Variants in MSRB3 observed in about 807,000 individuals in gnomAD.
MSRB3 encodes methionine-R-sulfoxide reductase B3.
In MSRB3, 13 loss-of-function variants were observed where a neutral mutation model predicts 21.0. The ratio of observed to expected loss-of-function variants is 0.62; its 90% CI spans 0.40 to 0.98. The LOEUF is 0.98. Ranked by LOEUF, MSRB3 falls within the 50% of genes least tolerant of loss-of-function variation. The pLI is 0.00. For synonymous variants in MSRB3, 87 were observed against 88.6 expected, an observed-to-expected ratio of 0.98 and a Z score of 0.10; for missense variants, 199 against 230.3, an observed-to-expected ratio of 0.86 and a Z score of 0.88.
chr12:65,322,951 T>C (rs1421345653), intron 2 of MSRB3, among the ~76,000 whole-genome samples: 1 of 152,140 alleles, frequency 6.6e-6, no homozygotes, highest in Non-Finnish European at 1.5e-5. Flanking sequence ...CCCACTTTAA[T>C]CATAAAAACA....
At chr12:65,295,529 A>C (rs748498018) in intron 1 of MSRB3, among the ~76,000 whole-genome samples, 1 of 151,674 alleles carries the variant, frequency 6.6e-6, no homozygotes, top group Non-Finnish European at 1.5e-5. Context: ...CATTTGGCTA[A>C]AGTACATTTT....
intron 5 of MSRB3, among the ~76,000 whole-genome samples, chr12:65,427,465 T>A (rs1451752078): frequency 6.6e-6 from 1 of 152,190 alleles, no homozygotes; most frequent in Non-Finnish European, 1.5e-5. Context: ...GCTAAGGGCC[T>A]CCTGATTTCT....
chr12:65,321,588 TTC>T (rs1874667784), intron 2 of MSRB3, among the ~76,000 whole-genome samples: 1 of 152,312 alleles, frequency 6.6e-6, no homozygotes, highest in Non-Finnish European at 1.5e-5. Context: ...ATAGGAGCTT[TTC>T]TTCCTCCATG....
intron 4 of MSRB3, among the ~76,000 whole-genome samples, chr12:65,333,439 T>A (rs546646466): frequency 6.6e-6 from 1 of 152,278 alleles, no homozygotes; most frequent in South Asian, 2.1e-4. Flanking sequence ...GGAGGATGCC[T>A]AGTAGAGAAT....
chr12:65,419,812 C>T (rs543896060), intron 5 of MSRB3: 1 of 897,800 alleles, frequency 1.1e-6, no homozygotes, highest in Admixed American at 1.8e-5. Context: ...CCTGCCAGAC[C>T]CCTAGCCATC....
At chr12:65,445,827 G>T (rs193182609) in intron 5 of MSRB3, among the ~76,000 whole-genome samples, 3 of 151,772 alleles carry the variant, frequency 2.0e-5, no homozygotes, top group East Asian at 3.9e-4. Context: ...TGTATTTTTA[G>T]TAAAGATGGG....
intron 5 of MSRB3, among the ~76,000 whole-genome samples, chr12:65,386,189 T>C (rs1464929235): frequency 3.3e-5 from 5 of 152,010 alleles, no homozygotes; most frequent in African/African-American, 4.8e-5. Context: ...TTTTTAGACT[T>C]ATTTTTCATT....
chr12:65,439,881 A>G (rs1882291552), intron 5 of MSRB3, among the ~76,000 whole-genome samples: 1 of 151,754 alleles, frequency 6.6e-6, no homozygotes, highest in African/African-American at 2.4e-5. Flanking sequence ...TTAAAGAAAA[A>G]AACCTAGAGC....
At chr12:65,330,044 C>T (rs1162368552) in intron 4 of MSRB3, among the ~76,000 whole-genome samples, 1 of 152,184 alleles carries the variant, frequency 6.6e-6, no homozygotes, top group Non-Finnish European at 1.5e-5. Flanking sequence ...AAGATAGTTG[C>T]TGAGCCATGT....
chr12:65,441,567 G>A (rs1882382316), intron 5 of MSRB3, among the ~76,000 whole-genome samples: 1 of 151,982 alleles, frequency 6.6e-6, no homozygotes, highest in Admixed American at 6.6e-5. Flanking sequence ...TGTATTTGAG[G>A]AGTTTGGAAT....
At chr12:65,442,106 A>G (rs1882409699) in intron 5 of MSRB3, among the ~76,000 whole-genome samples, 1 of 152,062 alleles carries the variant, frequency 6.6e-6, no homozygotes, top group South Asian at 2.1e-4. Context: ...GTGAATGATC[A>G]TAGAAGATTT....
chr12:65,429,364 G>A (rs538198313), intron 5 of MSRB3, among the ~76,000 whole-genome samples: 1 of 152,182 alleles, frequency 6.6e-6, no homozygotes, highest in African/African-American at 2.4e-5. Flanking sequence ...AAAGAGCTTG[G>A]GGGAGTGTTC....
chr12:65,392,708 C>T (rs189815641), intron 5 of MSRB3, among the ~76,000 whole-genome samples: 1 of 152,252 alleles, frequency 6.6e-6, no homozygotes, highest in East Asian at 1.9e-4. Flanking sequence ...CAAGTAGTTG[C>T]GAGCGTGTAA....
At chr12:65,456,311 A>G (rs1346907449) in intron 6 of MSRB3, among the ~76,000 whole-genome samples, 1 of 152,232 alleles carries the variant, frequency 6.6e-6, no homozygotes, top group Non-Finnish European at 1.5e-5. Context: ...AATGAAGCAT[A>G]AGATATTAAC....
intron 4 of MSRB3, among the ~76,000 whole-genome samples, chr12:65,347,711 T>C (rs1876616344): frequency 6.6e-6 from 1 of 152,226 alleles, no homozygotes; most frequent in African/African-American, 2.4e-5. Flanking sequence ...AGTATGACAT[T>C]GCCTGTGGGT....
intron 1 of MSRB3, among the ~76,000 whole-genome samples, chr12:65,306,376 TC>T (rs1873655401): frequency 6.6e-6 from 1 of 152,220 alleles, no homozygotes. Context: ...GATGCATACA[TC>T]CATTCTTTAG....
rs180823234 is a variant in MSRB3, at chr12:65,410,308, A to G, written c.292+41282A>G. 3.9e-5 allele frequency among the ~76,000 whole-genome samples: 6 copies of G among 152,216 alleles called. No homozygotes were observed. In the East Asian group the frequency reaches 1.2e-3, roughly 29 times the overall value. On this transcript the variant is annotated intron_variant, in intron 5 of 6. Coordinates refer to ENST00000308259, the MANE Select transcript of MSRB3 (RefSeq NM_001031679.3). ...TTGTTTTCTGTTTGGCACCAGATCAATGCTTGTTGGCATTTTGTTAGGGAA... is the reference window on the plus strand; with the variant it reads ...TTGTTTTCTGTTTGGCACCAGATCAGTGCTTGTTGGCATTTTGTTAGGGAA...
At chr12:65,393,331 G>A (rs1879584470) in intron 5 of MSRB3, among the ~76,000 whole-genome samples, 2 of 151,850 alleles carry the variant, frequency 1.3e-5, no homozygotes, top group African/African-American at 4.8e-5. Flanking sequence ...TTATTATAAG[G>A]GAGACACTTT....
At chr12:65,295,884 G>A (rs936816439) in intron 1 of MSRB3, among the ~76,000 whole-genome samples, 4 of 152,172 alleles carry the variant, frequency 2.6e-5, no homozygotes, top group Admixed American at 6.6e-5. Flanking sequence ...GACCTGTAAT[G>A]TCATAGATAA....
Sources: gnomAD v4.1 joint callset for allele counts (sites outside exome capture counted in the v4.1 genomes callset) on GRCh38, gnomAD v4.1.1 for gene constraint, MANE v1.5 for transcripts, NCBI Gene and HGNC (gene_info 2026-07-23, HGNC 2026-07-21) for gene names.